Variants in SH2B3 observed in about 807,000 individuals in gnomAD.
The protein encoded by SH2B3 is SH2B adapter protein 3.
Under a neutral mutation model 51.9 loss-of-function variants are expected in SH2B3, and 43 were observed. The ratio of observed to expected loss-of-function variants is 0.83; its 90% confidence interval spans 0.65 to 1.07. The LOEUF (loss-of-function observed/expected upper bound fraction) is 1.07. SH2B3 is among the 50% of genes least tolerant of loss of function. The probability of loss-of-function intolerance (pLI) is 0.00; values close to 1 mark genes in which losing one functional copy is unlikely to be tolerated. For synonymous variants in SH2B3, 396 were observed against 376.0 expected (o/e 1.05, Z -0.62); for missense variants, 952 against 834.3 (o/e 1.14, Z -1.74).
At chr12:111,436,636 C>T (rs1872899732) in intron 2 of SH2B3, among the ~76,000 whole-genome samples, 1 of 152,028 alleles carries the variant, frequency 6.6e-6, no homozygotes, top group Admixed American at 6.5e-5. Context: ...GGCTGTCTTT[C>T]CCTGTGTGAA....
In SH2B3 at chr12:111,448,066, C is replaced by G. The variant is rs753457228; in HGVS notation, c.1492C>G (p.Leu498Val). 1 of 1,614,004 alleles carries G rather than the reference C, an allele frequency of 6.2e-7. No individual in the cohort carries two copies. Among genetic ancestry groups the G allele is most frequent in the Non-Finnish European group, 8.5e-7 (1 of 1,179,896 alleles). ...SLPHWGSELG[L>V]PHLSSSGCPR... is the part of the protein sequence containing the mutation. ...TCCTCACTGGGGTTCAGAGTTGGGCCTTCCCCACCTTAGTTCTTCTGGCTG... is the reference window on the plus strand; with the variant it reads ...TCCTCACTGGGGTTCAGAGTTGGGCGTTCCCCACCTTAGTTCTTCTGGCTG... The change falls in exon 8 of 8, where the codon CTT becomes GTT. Residue 498 changes from leucine (L) to valine (V), a missense_variant. By Grantham distance (32) the Leu-to-Val change is conservative. Transcript: ENST00000341259.
In SH2B3 at chr12:111,429,252, G is replaced by A. The variant is rs1872271490; in HGVS notation, c.732+10375G>A. ...GAGTGCTGTCTGGGAAGCACCTAGA[G>A]CTGTGCCCAACACAGCCAGTGTTCG... On this transcript the variant is annotated intron_variant, in intron 2 of 7. Coordinates refer to ENST00000341259, the MANE Select transcript of SH2B3 (RefSeq NM_005475.3). This position sits in a 1 kb window ranked among gnomAD's most constrained non-coding sequence, Gnocchi z 4.4. Among the ~76,000 whole-genome samples, 1 of 152,238 alleles carries A rather than the reference G, an allele frequency of 6.6e-6. No individual in the cohort carries two copies. The highest frequency in any genetic ancestry group is 1.5e-5 in the Non-Finnish European group (1 of 68,032).
chr12:111,423,332 A>G (rs1593044636), intron 2 of SH2B3, among the ~76,000 whole-genome samples: 1 of 152,150 alleles, frequency 6.6e-6, no homozygotes, highest in South Asian at 2.1e-4. Flanking sequence ...GCCCCAATAC[A>G]TGATCTTATC....
chr12:111,418,837 A>G lies in SH2B3; in HGVS notation c.692A>G (p.Asp231Gly), dbSNP rs1468901900. 9.9e-6 allele frequency: 14 copies of G among 1,420,212 alleles called. No homozygotes were observed. In the South Asian group the frequency reaches 2.1e-4, roughly 21 times the overall value. 88.0% of individuals were successfully genotyped at this position (1,420,212 alleles called of 1,614,324 possible). A position where few individuals can be genotyped will look rare whatever the true frequency, so the allele number is the denominator to read the frequency against. Residue 231 changes from aspartate to glycine, a missense_variant, in exon 2 of 8, where the codon GAT becomes GGT. Asp to Gly is a moderately conservative substitution (Grantham distance 94). Coordinates refer to ENST00000341259, the MANE Select transcript of SH2B3 (RefSeq NM_005475.3). This position sits in a 1 kb window ranked among gnomAD's most constrained non-coding sequence, Gnocchi z 6.7. Reference protein sequence around the residue: ...RLALRRAPGPDGPDRVLELFD... With the variant: ...RLALRRAPGPGGPDRVLELFD... The stretch of plus-strand genomic sequence containing the variant: ...GCGCTGCGCCGGGCCCCGGGCCCCG[A>G]TGGCCCCGACCGCGTGCTGGAGCTC...
intron 2 of SH2B3, among the ~76,000 whole-genome samples, chr12:111,423,299 G>A (rs1871707494): frequency 6.6e-6 from 1 of 152,184 alleles, no homozygotes; most frequent in Non-Finnish European, 1.5e-5. Context: ...TCAAGGCTGT[G>A]ACACCATGAA....
At chr12:111,419,108 C>T (rs188710108) in intron 2 of SH2B3, among the ~76,000 whole-genome samples, 1 of 151,820 alleles carries the variant, frequency 6.6e-6, no homozygotes, top group African/African-American at 2.4e-5. Flanking sequence ...CCCAGGACTT[C>T]GAGACCAGCT....
Position 111,449,752 on chromosome 12 carries a change from G to A in SH2B3, c.*1450G>A, listed in dbSNP as rs1018246533. 3 of 152,080 alleles carry A rather than the reference G, an allele frequency of 2.0e-5. No homozygotes were observed. Among genetic ancestry groups the A allele is most frequent in the Non-Finnish European group, 2.9e-5 (2 of 68,026 alleles). The allele number at this position is 152,080 out of a possible 1,614,324, so 9.4% of individuals were successfully genotyped here. A position where few individuals can be genotyped will look rare whatever the true frequency, so the allele number is the denominator to read the frequency against. ...TTTAGATCAGCTTTACAGATACATC[G>A]ATCAGAGGCTAAAATGAAACCTCAG... On this transcript the variant is annotated 3_prime_UTR_variant, in exon 8 of 8. Transcript: ENST00000341259.
At position 111,418,193 on chromosome 12, in the gene SH2B3, A is replaced by G. The variant is rs1213504614; in HGVS notation, c.48A>G (p.Ser16=). Residue 16 remains serine (S), a synonymous_variant, in exon 2 of 8, where the codon TCA becomes TCG. Transcript: ENST00000341259. The surrounding 1 kb of genome is among the most constrained non-coding windows in gnomAD (Gnocchi z 6.7). ...CCTCCTCGCCCTCTTCCGCGCCCTC[A>G]GCCTCCCCGGCGGCGGCCCCGCGGG... ...LQPSSPSSAP[S]ASPAAAPRGW... The G allele has an allele frequency of 6.4e-7, 1 of 1,571,118 alleles. No homozygotes were observed. Among genetic ancestry groups the G allele is most frequent in the Non-Finnish European group, 8.5e-7 (1 of 1,169,954 alleles).
At chr12:111,423,776 C>G (rs1357582104) in intron 2 of SH2B3, among the ~76,000 whole-genome samples, 1 of 152,188 alleles carries the variant, frequency 6.6e-6, no homozygotes, top group Non-Finnish European at 1.5e-5. Context: ...ATTGGGAGTT[C>G]GAGACCAGCC....
In SH2B3 at chr12:111,418,289, C is replaced by A. The variant is rs779441627; in HGVS notation, c.144C>A (p.Phe48Leu). The change falls in exon 2 of 8, where the codon TTC becomes TTA. Residue 48 changes from phenylalanine (F) to leucine (L), a missense_variant. Phe to Leu is a conservative substitution (Grantham distance 22). Coordinates refer to ENST00000341259, the MANE Select transcript of SH2B3 (RefSeq NM_005475.3). This position sits in a 1 kb window ranked among gnomAD's most constrained non-coding sequence, Gnocchi z 6.7. ...AGCTGGCCCGCCAGTACTGGCTGTT[C>A]GCCCGGGAGCATCCGCAGCACGCGC... is the stretch of plus-strand genomic sequence containing the variant. The part of the protein sequence containing the change: ...ARELARQYWL[F>L]AREHPQHAPL... 6 of 1,536,542 alleles carry A rather than the reference C, an allele frequency of 3.9e-6. No individual in the cohort carries two copies. The African/African-American group carries it at 5.5e-5, about 14-fold the overall frequency.
rs61734525 is a variant in SH2B3 at position 111,448,202 on chromosome 12, A to G, written c.1628A>G (p.Glu543Gly). The G allele has an allele frequency of 4.3e-6, 7 of 1,614,136 alleles. No homozygotes were observed. In the African/African-American group the frequency reaches 8.0e-5, roughly 18 times the overall value. ...CTGGCCAACAGCCTGCAGCACCTGG[A>G]GCATGAGCCTGTGAATCGAGCCCGG... is the stretch of plus-strand genomic sequence containing the variant. ...EELANSLQHL[E>G]HEPVNRARDS... The change falls in exon 8 of 8, where the codon GAG (glutamate) becomes GGG (glycine). Residue 543 changes from glutamate to glycine, a missense_variant. Coordinates refer to ENST00000341259, the MANE Select transcript of SH2B3 (RefSeq NM_005475.3).
chr12:111,422,621 C>T (rs915543608), intron 2 of SH2B3, among the ~76,000 whole-genome samples: 4 of 150,774 alleles, frequency 2.7e-5, no homozygotes, highest in Admixed American at 6.6e-5. Flanking sequence ...AGTGCAGTGG[C>T]GCAATCTCGG....
intron 2 of SH2B3, among the ~76,000 whole-genome samples, chr12:111,432,334 C>T (rs749521778): frequency 2.0e-5 from 3 of 151,954 alleles, no homozygotes; most frequent in Non-Finnish European, 2.9e-5. Flanking sequence ...TTACAGCCAC[C>T]GCGCCCAGCC....
intron 1 of SH2B3, among the ~76,000 whole-genome samples, chr12:111,417,446 A>G (rs1447857805): frequency 8.5e-6 from 1 of 117,192 alleles, no homozygotes; most frequent in Non-Finnish European, 1.8e-5. Flanking sequence ...TGTGCTTGTC[A>G]TATAGGGCCT....
chr12:111,405,322 C>T (rs1870165052), upstream of SH2B3, among the ~76,000 whole-genome samples: 1 of 152,154 alleles, frequency 6.6e-6, no homozygotes, highest in African/African-American at 2.4e-5. This position sits in a 1 kb window ranked among gnomAD's most constrained non-coding sequence, Gnocchi z 5.4. Flanking sequence ...AAATCGGGGG[C>T]CTGGGGCCGT....
rs116226712 is a variant in SH2B3 at position 111,424,574 on chromosome 12, G to A, written c.732+5697G>A. On this transcript the variant is annotated intron_variant, in intron 2 of 7. Coordinates refer to ENST00000341259, the MANE Select transcript of SH2B3 (RefSeq NM_005475.3). ...CAGGGAGGTCCCAGAGGGCTTTGCC[G>A]TAGCCCTGGCTGGCTGGGGCTCTGT... Among the ~76,000 whole-genome samples the A allele has an allele frequency of 7.1e-4, 108 of 152,238 alleles. 2 individuals are homozygous for A. The highest frequency in any genetic ancestry group is 2.2e-3 in the African/African-American group (92 of 41,534).
rs1300507806 is a variant in SH2B3, at chr12:111,445,516, G to A, written c.733-1237G>A. Among the ~76,000 whole-genome samples, 3 of 152,210 alleles carry A rather than the reference G, an allele frequency of 2.0e-5. No homozygotes were observed. The South Asian group carries it at 6.2e-4, about 32-fold the overall frequency. Reference sequence around the variant, plus strand: ...GGTGAAAATGCCCTGGCTGGTGCTGGTCACTTCAGGCTGGAATTTTCTAGT... The same window carrying A: ...GGTGAAAATGCCCTGGCTGGTGCTGATCACTTCAGGCTGGAATTTTCTAGT... On this transcript the variant is annotated intron_variant, in intron 2 of 7. Coordinates refer to ENST00000341259, the MANE Select transcript of SH2B3 (RefSeq NM_005475.3).
Position 111,448,155 on chromosome 12 carries a change from C to T in SH2B3, c.1581C>T (p.His527=), listed in dbSNP as rs757378644. The T allele has an allele frequency of 1.9e-6, 3 of 1,614,192 alleles. No individual in the cohort carries two copies. Among genetic ancestry groups the T allele is most frequent in the South Asian group, 2.2e-5 (2 of 91,086 alleles). ...CCTCACCCCCCGAGCAGATCTTCCACCTGGTGCCTTCGCCCGAAGAACTGG... is the reference window on the plus strand; with the variant it reads ...CCTCACCCCCCGAGCAGATCTTCCATCTGGTGCCTTCGCCCGAAGAACTGG... The part of the protein sequence containing the change: ...GRSSPPEQIF[H]LVPSPEELAN... Residue 527 remains histidine (H), a synonymous_variant, in exon 8 of 8, where the codon CAC becomes CAT. Coordinates refer to ENST00000341259, the MANE Select transcript of SH2B3 (RefSeq NM_005475.3).
chr12:111,445,098 CCA>C (rs1327374422), intron 2 of SH2B3, among the ~76,000 whole-genome samples: 1 of 152,168 alleles, frequency 6.6e-6, no homozygotes, highest in Non-Finnish European at 1.5e-5. Context: ...CTTGCAGGGG[CCA>C]GAGTCAGAGT....
Sources: gnomAD v4.1 joint callset for allele counts (sites outside exome capture counted in the v4.1 genomes callset) on GRCh38, gnomAD v4.1.1 for gene constraint, Gnocchi (gnomAD v3.1) non-coding constraint, MANE v1.5 for transcripts, NCBI Gene and HGNC (gene_info 2026-07-23, HGNC 2026-07-21) for gene names.